The following WDPCP variants were observed in gnomAD, a reference collection of about 807,000 sequenced individuals.
WDPCP encodes WD repeat containing planar cell polarity effector, also known as WD repeat-containing and planar cell polarity effector protein fritz homolog.
In WDPCP, 71 loss-of-function variants were observed where a neutral mutation model predicts 93.1. The ratio of observed to expected loss-of-function variants is 0.76; its 90% confidence interval spans 0.63 to 0.93. The LOEUF (loss-of-function observed/expected upper bound fraction) is 0.93, where lower values mean the gene tolerates loss of function less well. WDPCP is among the 40% of genes least tolerant of loss of function. WDPCP has a pLI of 0.00. For synonymous variants in WDPCP, 315 were observed against 315.0 expected (o/e 1.00, Z 0.00); for missense variants, 844 against 887.4 (o/e 0.95, Z 0.62).
At chr2:63,636,469 G>C (rs556609704) in intron 3 of WDPCP, among the ~76,000 whole-genome samples, 61 of 152,050 alleles carry the variant, frequency 4.0e-4, no homozygotes, top group Admixed American at 8.5e-4. Context: ...TCACTCTGTC[G>C]CCCAGACTGG....
At position 63,787,914 on chromosome 2, in the gene WDPCP, T is replaced by C. The variant is rs1433159284; in HGVS notation, n.308+25708A>G. 4.0e-5 allele frequency among the ~76,000 whole-genome samples: 6 copies of C among 151,846 alleles called. No individual in the cohort carries two copies. The East Asian group carries it at 1.2e-3, about 29-fold the overall frequency. ...AAGGAGCTGGGTGTGGTGGCGCACA[T>C]CTGTAATCCCAGCTACTTGGGAGAC... On this transcript the variant is annotated intron_variant and non_coding_transcript_variant, in intron 2 of 4. Transcript: ENST00000467687.
intron 6 of WDPCP, among the ~76,000 whole-genome samples, chr2:63,478,110 T>C (rs1359189975): frequency 1.3e-5 from 2 of 152,086 alleles, no homozygotes; most frequent in African/African-American, 2.4e-5. Context: ...TATATAATGA[T>C]AAAATGACTT....
At chr2:63,281,761 G>A (rs1051499763) in intron 13 of WDPCP, among the ~76,000 whole-genome samples, 1 of 152,138 alleles carries the variant, frequency 6.6e-6, no homozygotes. Context: ...ACTCACAAGT[G>A]GGAGCTAAGC....
At chr2:63,515,970 A>G (rs1702525733) in intron 1 of WDPCP, among the ~76,000 whole-genome samples, 1 of 151,896 alleles carries the variant, frequency 6.6e-6, no homozygotes, top group Non-Finnish European at 1.5e-5. Context: ...CAGTGAGCCA[A>G]GATCACGCTA....
intron 15 of WDPCP, among the ~76,000 whole-genome samples, chr2:63,164,691 A>G (rs10187907): frequency 0.02 from 3,032 of 152,302 alleles, 106 homozygotes; most frequent in African/African-American, 0.069. Context: ...TGTGAGGACA[A>G]ACCAATATAA....
At chr2:63,597,589 A>G (rs1224657738) in intron 3 of WDPCP, 4 of 1,345,024 alleles carry the variant, frequency 3.0e-6, no homozygotes, top group East Asian at 2.8e-5. Flanking sequence ...CCAATGCTGT[A>G]TTTTATGGGA....
chr2:63,452,922 C>T (rs921745635), intron 6 of WDPCP, among the ~76,000 whole-genome samples: 2 of 152,174 alleles, frequency 1.3e-5, no homozygotes, highest in Non-Finnish European at 1.5e-5. Flanking sequence ...CCCTTCCTTA[C>T]ACCTTAAACA....
At position 63,471,871 on chromosome 2, in the gene WDPCP, T is replaced by C. The variant is rs143437131; in HGVS notation, c.384+12733A>G. ...TTCAATAACTTCCTGAGAAAAGTTC[T>C]TGGCAGGTAAATTTTTTTGAGAGCT... On this transcript the variant is annotated intron_variant, in intron 6 of 17. Coordinates refer to ENST00000272321, the MANE Select transcript of WDPCP (RefSeq NM_015910.7). Among the ~76,000 whole-genome samples, 600 of 152,328 alleles carry C rather than the reference T, an allele frequency of 3.9e-3. 3 individuals carry two copies. Among genetic ancestry groups the C allele is most frequent in the African/African-American group, 0.014 (576 of 41,572 alleles).
chr2:63,123,946 A>G (rs1229367278), intron 17 of WDPCP, among the ~76,000 whole-genome samples: 3 of 150,576 alleles, frequency 2.0e-5, no homozygotes, highest in Non-Finnish European at 4.4e-5. Context: ...AAACTTTTTA[A>G]TGTTCCTACA....
chr2:63,412,908 C>T (rs190610952), intron 9 of WDPCP, among the ~76,000 whole-genome samples: 1 of 148,922 alleles, frequency 6.7e-6, no homozygotes, highest in Non-Finnish European at 1.5e-5. Flanking sequence ...CCATGCTCAT[C>T]GATGGGTAGA....
chr2:63,683,414 C>A (rs1217003695), intron 2 of WDPCP, among the ~76,000 whole-genome samples: 1 of 151,748 alleles, frequency 6.6e-6, no homozygotes, highest in Non-Finnish European at 1.5e-5. Context: ...ATATTTCATG[C>A]CAATGGAAAC....
intron 14 of WDPCP, among the ~76,000 whole-genome samples, chr2:63,240,403 C>G (rs1374645292): frequency 2.0e-5 from 3 of 152,036 alleles, no homozygotes; most frequent in African/African-American, 4.8e-5. Flanking sequence ...GTCTCAAACT[C>G]CTGGCCTCAA....
intron 9 of WDPCP, among the ~76,000 whole-genome samples, chr2:63,426,136 C>T (rs1696268237): frequency 6.6e-6 from 1 of 152,116 alleles, no homozygotes; most frequent in Non-Finnish European, 1.5e-5. Context: ...GTCAGGAGTT[C>T]GAGACCAGCC....
chr2:63,705,231 A>G (rs2103725552), intron 2 of WDPCP, among the ~76,000 whole-genome samples: 1 of 152,110 alleles, frequency 6.6e-6, no homozygotes, highest in African/African-American at 2.4e-5. Flanking sequence ...CAATTTTGTT[A>G]ATCTTTTCAA....
intron 12 of WDPCP, among the ~76,000 whole-genome samples, chr2:63,343,034 T>C (rs916607864): frequency 1.9e-5 from 2 of 104,388 alleles, no homozygotes; most frequent in African/African-American, 7.2e-5. Context: ...AGACAGAGTC[T>C]TACTCTGTTA....
chr2:63,379,874 G>A (rs888901355), intron 11 of WDPCP, among the ~76,000 whole-genome samples: 17 of 152,070 alleles, frequency 1.1e-4, no homozygotes, highest in African/African-American at 2.9e-4. Context: ...GGAGGAAAAC[G>A]CACACACCTA....
chr2:63,275,830 G>A (rs1683042841), intron 13 of WDPCP, among the ~76,000 whole-genome samples: 1 of 152,176 alleles, frequency 6.6e-6, no homozygotes, highest in South Asian at 2.1e-4. Flanking sequence ...TGGTGCATAG[G>A]AGGCAGGACT....
intron 9 of WDPCP, among the ~76,000 whole-genome samples, chr2:63,431,675 A>C (rs1575409537): frequency 6.6e-6 from 1 of 152,090 alleles, no homozygotes; most frequent in East Asian, 1.9e-4. Flanking sequence ...CTTCACACAC[A>C]CACACACACA....
chr2:63,503,969 G>A (rs1701713497), intron 1 of WDPCP, among the ~76,000 whole-genome samples: 2 of 151,102 alleles, frequency 1.3e-5, no homozygotes, highest in Admixed American at 1.3e-4. Flanking sequence ...AAATTTTGGA[G>A]TGGCCCGCAG....
Sources: allele counts gnomAD v4.1 joint callset (sites outside exome capture counted in the v4.1 genomes callset), GRCh38; gene constraint gnomAD v4.1.1; transcripts MANE v1.5; gene names NCBI Gene and HGNC (gene_info 2026-07-23, HGNC 2026-07-21).